Variants in RPTOR observed in about 807,000 individuals in gnomAD.
RPTOR encodes regulatory-associated protein of mTOR.
RPTOR carries 21 observed loss-of-function variants against 169.9 expected under a neutral mutation model. The observed-to-expected ratio is 0.12, with a 90% CI of 0.09 to 0.18. The LOEUF (loss-of-function observed/expected upper bound fraction) is 0.18, where lower values mean the gene tolerates loss of function less well. Ranked by LOEUF, RPTOR falls within the 10% of genes least tolerant of loss-of-function variation. The probability of loss-of-function intolerance (pLI) is 1.00; values close to 1 mark genes in which losing one functional copy is unlikely to be tolerated. For synonymous variants in RPTOR, 732 were observed against 753.2 expected (o/e 0.97, Z 0.46); for missense variants, 1,133 against 1,855.9 (o/e 0.61, Z 7.16).
rs2069317896 is a variant in RPTOR, at chr17:80,960,222, C to T, written c.3605+17C>T. The T allele has an allele frequency of 6.2e-7, 1 of 1,612,900 alleles. No individual in the cohort carries two copies. Among genetic ancestry groups the T allele is most frequent in the Admixed American group, 1.7e-5 (1 of 59,992 alleles). The stretch of plus-strand genomic sequence containing the variant: ...CAGCGAATGGTACCTTGACCCTGTC[C>T]TCTCCCTCCCCGAGTGCTGGCAGGG... On this transcript the variant is annotated intron_variant, in intron 30 of 33. Coordinates refer to ENST00000306801, the MANE Select transcript of RPTOR (RefSeq NM_020761.3). The surrounding 1 kb of genome is among the most constrained non-coding windows in gnomAD (Gnocchi z 4.8).
chr17:80,676,366 G>A (rs1357519950), intron 3 of RPTOR, among the ~76,000 whole-genome samples: 2 of 152,214 alleles, frequency 1.3e-5, no homozygotes, highest in Non-Finnish European at 2.9e-5. Context: ...TGACAGTTCA[G>A]AAATAGTATC....
rs569932964 is a variant in RPTOR at position 80,726,382 on chromosome 17, C to G, written c.508-4178C>G. 3.3e-5 allele frequency among the ~76,000 whole-genome samples: 5 copies of G among 152,210 alleles called. No individual in the cohort carries two copies. The highest frequency in any genetic ancestry group is 7.3e-5 in the Non-Finnish European group (5 of 68,038). On this transcript the variant is annotated intron_variant, in intron 4 of 33. Transcript: ENST00000306801. This position sits in a 1 kb window ranked among gnomAD's most constrained non-coding sequence, Gnocchi z 4.5. ...CCTGGTGCTCGCCGCCCACAGATCA[C>G]GGGGCGTGGAGGGAGAGACTGCCAG...
At chr17:80,889,975 A>G (rs2672882) in intron 17 of RPTOR, among the ~76,000 whole-genome samples, 6,693 of 32,006 alleles carry the variant, frequency 0.21, 746 homozygotes, top group South Asian at 0.29. Context: ...GCCCCCGTAC[A>G]CAGCAGGATG....
chr17:80,885,767 T>G (rs2068238861), intron 17 of RPTOR, among the ~76,000 whole-genome samples: 1 of 152,184 alleles, frequency 6.6e-6, no homozygotes, highest in African/African-American at 2.4e-5. Flanking sequence ...GGTCTCGATC[T>G]CCTGACATCG....
At chr17:80,952,292 G>A (rs1341421107) in intron 28 of RPTOR, among the ~76,000 whole-genome samples, 1 of 152,196 alleles carries the variant, frequency 6.6e-6, no homozygotes, top group Admixed American at 6.5e-5. Context: ...TCACATGAAC[G>A]GCCAAGGGCT....
chr17:80,946,741 C>T (rs1470704859), intron 26 of RPTOR, among the ~76,000 whole-genome samples: 1 of 152,254 alleles, frequency 6.6e-6, no homozygotes, highest in African/African-American at 2.4e-5. Flanking sequence ...CCTGGGTTGC[C>T]TCCACCTTTT....
At position 80,739,187 on chromosome 17, in the gene RPTOR, C is replaced by CGG. The variant is rs141944749; in HGVS notation, c.654+8482_654+8483dup. 8.6e-5 allele frequency among the ~76,000 whole-genome samples: 13 copies of CGG among 151,402 alleles called. No individual in the cohort carries two copies. The South Asian group carries it at 1.3e-3, about 15-fold the overall frequency. On this transcript the variant is annotated intron_variant, in intron 5 of 33. Coordinates refer to ENST00000306801, the MANE Select transcript of RPTOR (RefSeq NM_020761.3). ...CCGAGGGGCTCGCCCCGCCCCGACG[C>CGG]GGAGGCAGATGTCTTTCACAAAGGA...
At chr17:80,638,296 C>T (rs569188117) in intron 2 of RPTOR, among the ~76,000 whole-genome samples, 1 of 152,284 alleles carries the variant, frequency 6.6e-6, no homozygotes, top group African/African-American at 2.4e-5. Flanking sequence ...CAGTAGCACC[C>T]GTTAGCCACG....
In RPTOR at chr17:80,659,279, G is replaced by C. The variant is rs897329955; in HGVS notation, c.348+15469G>C. On this transcript the variant is annotated intron_variant, in intron 3 of 33. Coordinates refer to ENST00000306801, the MANE Select transcript of RPTOR (RefSeq NM_020761.3). The surrounding 1 kb of genome is among the most constrained non-coding windows in gnomAD (Gnocchi z 4.3). ...GAGGGGGAAGTGGGCTCAGAAGAGT[G>C]GGCTTCTGATCTGAATCCAAGAAGG... Among the ~76,000 whole-genome samples, 1 of 149,488 alleles carries C rather than the reference G, an allele frequency of 6.7e-6. No homozygotes were observed. Among genetic ancestry groups the C allele is most frequent in the Non-Finnish European group, 1.5e-5 (1 of 66,836 alleles).
chr17:80,592,850 G>A (rs1181810286), intron 1 of RPTOR, among the ~76,000 whole-genome samples: 1 of 152,176 alleles, frequency 6.6e-6, no homozygotes, highest in African/African-American at 2.4e-5. Context: ...TGCTAGGACA[G>A]GCCTGCGTTT....
At chr17:80,733,561 C>G (rs1480326918) in intron 5 of RPTOR, among the ~76,000 whole-genome samples, 2 of 152,318 alleles carry the variant, frequency 1.3e-5, no homozygotes, top group South Asian at 2.1e-4. Context: ...ACCACTGCTT[C>G]TTGATTTGTC....
chr17:80,817,384 G>A lies in RPTOR; in HGVS notation c.891-4817G>A, dbSNP rs138980191. Among the ~76,000 whole-genome samples the A allele has an allele frequency of 1.8e-3, 273 of 152,210 alleles. 1 individual carries two copies. Among genetic ancestry groups the A allele is most frequent in the African/African-American group, 6.1e-3 (254 of 41,514 alleles). On this transcript the variant is annotated intron_variant, in intron 7 of 33. Transcript: ENST00000306801. The stretch of plus-strand genomic sequence containing the variant: ...CCTCTGCATGGATGGGGCCAGGGAC[G>A]GCAGTGAGGCGGCCACCCCATGGGG...
intron 21 of RPTOR, among the ~76,000 whole-genome samples, chr17:80,912,174 T>C (rs1373494145): frequency 6.6e-6 from 1 of 152,206 alleles, no homozygotes; most frequent in East Asian, 1.9e-4. Flanking sequence ...TAATAAATGG[T>C]TTAAGTTTTT....
At position 80,883,434 on chromosome 17, in the gene RPTOR, A is replaced by G. The variant is rs1382109137; in HGVS notation, c.1600A>G (p.Met534Val). The G allele has an allele frequency of 1.2e-6, 2 of 1,614,148 alleles. No homozygotes were observed. Residue 534 changes from methionine (M) to valine (V), a missense_variant, in exon 15 of 34, where the codon ATG becomes GTG. Transcript: ENST00000306801. ...DPYMPAEHRT[M>V]TAFILAVIVN... is the part of the protein sequence containing the mutation. ...TGTTTTCCAGGCTGAACACCGGACC[A>G]TGACGGCTTTCATTCTCGCCGTGAT...
Position 80,889,829 on chromosome 17 carries a change from GGA to G in RPTOR, c.1984-1890_1984-1889del, listed in dbSNP as rs1204447511. On this transcript the variant is annotated intron_variant, in intron 17 of 33. Coordinates refer to ENST00000306801, the MANE Select transcript of RPTOR (RefSeq NM_020761.3). ...CCAAGGGAGGCCCCCGTACGCAGCA[GGA>G]TGTGCGGCCTCCGAGGGAGGCCCCC... Among the ~76,000 whole-genome samples, 475 of 128,200 alleles carry G rather than the reference GGA, an allele frequency of 3.7e-3. 1 individual carries two copies. The highest frequency in any genetic ancestry group is 0.012 in the African/African-American group (444 of 35,600). 84.1% of individuals were successfully genotyped at this position (128,200 alleles called of 152,430 possible).
intron 17 of RPTOR, among the ~76,000 whole-genome samples, chr17:80,889,019 C>T (rs1039309894): frequency 6.6e-6 from 1 of 152,144 alleles, no homozygotes; most frequent in Non-Finnish European, 1.5e-5. Flanking sequence ...CAAGCCTTGT[C>T]GTTCGTGATC....
chr17:80,566,111 C>G (rs961987290), intron 1 of RPTOR, among the ~76,000 whole-genome samples: 27 of 152,318 alleles, frequency 1.8e-4, no homozygotes, highest in African/African-American at 6.5e-4. Flanking sequence ...CGGCTCTCTA[C>G]CTGTCTGCTC....
At chr17:80,670,944 G>A (rs1201212257) in intron 3 of RPTOR, among the ~76,000 whole-genome samples, 2 of 152,108 alleles carry the variant, frequency 1.3e-5, no homozygotes, top group East Asian at 3.9e-4. Context: ...GTGGAGCTGG[G>A]TTGCACACTG....
chr17:80,864,383 TTTC>T (rs57998891), intron 13 of RPTOR, among the ~76,000 whole-genome samples: 47 of 145,148 alleles, frequency 3.2e-4, no homozygotes, highest in Middle Eastern at 3.5e-3. Context: ...TGATGGCAAG[TTTC>T]TTCTCACAGA....
Sources: gnomAD v4.1 joint callset for allele counts (sites outside exome capture counted in the v4.1 genomes callset) on GRCh38, gnomAD v4.1.1 for gene constraint, Gnocchi (gnomAD v3.1) non-coding constraint, MANE v1.5 for transcripts, NCBI Gene and HGNC (gene_info 2026-07-23, HGNC 2026-07-21) for gene names.